OPCML: variants seen among roughly 807,000 people sequenced by gnomAD.
The protein encoded by OPCML is opioid binding protein/cell adhesion molecule like.
A neutral mutation model predicts 37.8 loss-of-function variants in OPCML; 13 were observed. That is an observed-to-expected ratio of 0.34 (90% confidence interval 0.22 to 0.55). The LOEUF is 0.55. OPCML is among the 20% of genes least tolerant of loss of function. The pLI is 0.91. For synonymous variants in OPCML, 176 were observed against 168.8 expected, an observed-to-expected ratio of 1.04 and a Z score of -0.33; for missense variants, 341 against 435.6, an observed-to-expected ratio of 0.78 and a Z score of 1.93.
chr11:133,398,059 G>C (rs1945324461), intron 1 of OPCML, among the ~76,000 whole-genome samples: 2 of 152,222 alleles, frequency 1.3e-5, no homozygotes, highest in African/African-American at 4.8e-5. Flanking sequence ...AGCTCCAGCA[G>C]AAACCTGTCT....
chr11:133,065,795 G>C (rs1259319695), intron 1 of OPCML: 1 of 152,362 alleles, frequency 6.6e-6, no homozygotes, highest in African/African-American at 2.4e-5. Flanking sequence ...AGTGTGCACA[G>C]ACCCGCAAGC....
chr11:132,662,179 C>T (rs746760666), intron 2 of OPCML, among the ~76,000 whole-genome samples: 26 of 152,042 alleles, frequency 1.7e-4, no homozygotes, highest in Admixed American at 3.3e-4. Context: ...GAAGCCAGCC[C>T]CCAAAGAGCT....
intron 7 of OPCML, among the ~76,000 whole-genome samples, chr11:132,427,323 T>A (rs181963869): frequency 4.6e-5 from 7 of 152,312 alleles, no homozygotes; most frequent in Admixed American, 1.3e-4. Flanking sequence ...GATAATGATG[T>A]TCTTGGTGAT....
At chr11:132,430,398 C>T (rs938310965) in intron 7 of OPCML, among the ~76,000 whole-genome samples, 1 of 152,164 alleles carries the variant, frequency 6.6e-6, no homozygotes, top group African/African-American at 2.4e-5. Context: ...AGAGCCGCTG[C>T]CTGGTGCAGG....
At chr11:132,607,156 C>T (rs1938353761) in intron 3 of OPCML, among the ~76,000 whole-genome samples, 1 of 152,186 alleles carries the variant, frequency 6.6e-6, no homozygotes, top group Non-Finnish European at 1.5e-5. Context: ...GGACTAATTA[C>T]TATTATAATT....
In OPCML at chr11:133,146,445, G is replaced by A. The variant is rs1949898313; in HGVS notation, c.62-203435C>T. ...TTCTCCTGCCTCAGCCTCTCGAGTA[G>A]CTGGGATTACAGGCACCCGCCACCA... On this transcript the variant is annotated intron_variant, in intron 1 of 7. Transcript: ENST00000524381. Among the ~76,000 whole-genome samples the A allele has an allele frequency of 6.6e-5, 10 of 151,820 alleles. No homozygotes were observed. In the South Asian group the frequency reaches 2.1e-3, roughly 32 times the overall value.
chr11:133,144,305 A>G (rs1949867604), intron 1 of OPCML, among the ~76,000 whole-genome samples: 1 of 152,244 alleles, frequency 6.6e-6, no homozygotes, highest in South Asian at 2.1e-4. Context: ...GGCCCTGAGC[A>G]GAGCCTGGCT....
intron 4 of OPCML, among the ~76,000 whole-genome samples, chr11:132,461,139 C>T (rs2096100216): frequency 6.6e-6 from 1 of 152,234 alleles, no homozygotes; most frequent in South Asian, 2.1e-4. Context: ...TTCCTCCCCT[C>T]TCCTGACAAA....
chr11:132,644,550 C>A (rs550145553), intron 3 of OPCML, among the ~76,000 whole-genome samples: 11 of 152,150 alleles, frequency 7.2e-5, no homozygotes, highest in East Asian at 5.8e-4. Context: ...TCTATTACAA[C>A]GATATCATCT....
chr11:133,285,227 G>A (rs1942264456), intron 1 of OPCML, among the ~76,000 whole-genome samples: 1 of 152,174 alleles, frequency 6.6e-6, no homozygotes, highest in Non-Finnish European at 1.5e-5. Flanking sequence ...GGGTATGTGG[G>A]GAGGAGGGAC....
At chr11:133,079,792 G>A (rs1373912446) in intron 1 of OPCML, among the ~76,000 whole-genome samples, 2 of 152,028 alleles carry the variant, frequency 1.3e-5, no homozygotes, top group African/African-American at 2.4e-5. Flanking sequence ...GTTCCCCAAG[G>A]TCCTGTCCAC....
intron 4 of OPCML, among the ~76,000 whole-genome samples, chr11:132,472,834 C>T (rs1249660346): frequency 2.0e-5 from 3 of 152,228 alleles, no homozygotes; most frequent in Non-Finnish European, 4.4e-5. Flanking sequence ...TTTCTCACTA[C>T]CTCACAGTGC....
chr11:133,457,528 G>C (rs929769613), intron 1 of OPCML, among the ~76,000 whole-genome samples: 4 of 151,994 alleles, frequency 2.6e-5, no homozygotes, highest in African/African-American at 9.7e-5. Context: ...AACAGAATGA[G>C]ACCATATATC....
chr11:133,236,063 C>T (rs567466225), intron 1 of OPCML, among the ~76,000 whole-genome samples: 15 of 152,182 alleles, frequency 9.9e-5, no homozygotes, highest in African/African-American at 2.2e-4. Flanking sequence ...TTTTTGGATT[C>T]GGCACAGTAA....
intron 2 of OPCML, among the ~76,000 whole-genome samples, chr11:132,858,862 C>T (rs745733592): frequency 1.1e-4 from 16 of 152,038 alleles, no homozygotes; most frequent in Non-Finnish European, 1.9e-4. Flanking sequence ...TAAAGGTAGC[C>T]GACTATGAGG....
chr11:132,547,241 G>A (rs886447270), intron 3 of OPCML, among the ~76,000 whole-genome samples: 2 of 152,162 alleles, frequency 1.3e-5, no homozygotes, highest in East Asian at 1.9e-4. Context: ...GTTTAACTGG[G>A]GGAGATGCCA....
At chr11:132,869,859 A>C (rs976655154) in intron 2 of OPCML, among the ~76,000 whole-genome samples, 1 of 151,978 alleles carries the variant, frequency 6.6e-6, no homozygotes, top group Admixed American at 6.6e-5. Flanking sequence ...GCACAGATGC[A>C]CCTCTCCTGA....
intron 1 of OPCML, among the ~76,000 whole-genome samples, chr11:133,213,302 G>A (rs1289652189): frequency 6.6e-6 from 1 of 150,642 alleles, no homozygotes; most frequent in Non-Finnish European, 1.5e-5. Context: ...CAAGCAAAAG[G>A]ATGACCTTAA....
At chr11:133,156,553 A>G (rs1158931517) in intron 1 of OPCML, among the ~76,000 whole-genome samples, 2 of 152,240 alleles carry the variant, frequency 1.3e-5, no homozygotes, top group Non-Finnish European at 2.9e-5. Flanking sequence ...GGGGAGCAAG[A>G]GCCATGTTTC....
Sources: allele counts gnomAD v4.1 joint callset (sites outside exome capture counted in the v4.1 genomes callset), GRCh38; gene constraint gnomAD v4.1.1; transcripts MANE v1.5; gene names NCBI Gene and HGNC (gene_info 2026-07-23, HGNC 2026-07-21).